The following KCNH1 variants were observed in gnomAD, a reference collection of about 807,000 sequenced individuals.
KCNH1 encodes the protein voltage-gated delayed rectifier potassium channel KCNH1.
Under a neutral mutation model 69.2 loss-of-function variants are expected in KCNH1, and 27 were observed. The ratio of observed to expected loss-of-function variants is 0.39; its 90% CI spans 0.29 to 0.54. KCNH1 has a LOEUF of 0.54. KCNH1 is among the 20% of genes least tolerant of loss of function. The pLI, the probability that KCNH1 is intolerant of heterozygous loss-of-function variation, is 0.68. For synonymous variants in KCNH1, 456 were observed against 487.7 expected, an observed-to-expected ratio of 0.93 and a Z score of 0.86; for missense variants, 798 against 1,261.6, an observed-to-expected ratio of 0.63 and a Z score of 5.57.
chr1:210,919,744 G>A lies in KCNH1; in HGVS notation c.1358C>T (p.Ser453Leu), dbSNP rs1687421051. 4 of 1,614,066 alleles carry A rather than the reference G, an allele frequency of 2.5e-6. No homozygotes were observed. The highest frequency in any genetic ancestry group is 2.7e-5 in the African/African-American group (2 of 74,924). ...GAGGCTGGTCATTGTGAAATACAAC[G>A]AGGAGATGTAGACAGAATTCTTGCT... Reference protein sequence around the residue: ...GPSKNSVYISSLYFTMTSLTS... With the variant: ...GPSKNSVYISLLYFTMTSLTS... The change falls in exon 7 of 11, where the codon TCG (serine) becomes TTG (leucine). Residue 453 changes from serine (S) to leucine (L), a missense_variant. By Grantham distance (145) the Ser-to-Leu change is moderately radical. This residue lies in a region of KCNH1 where 197 missense variants were observed against 407.7 expected (regional missense o/e 0.48). Transcript: ENST00000271751. The surrounding 1 kb of genome is among the most constrained non-coding windows in gnomAD (Gnocchi z 4.2).
chr1:210,853,358 A>G (rs1304672206), intron 7 of KCNH1, among the ~76,000 whole-genome samples: 2 of 152,222 alleles, frequency 1.3e-5, no homozygotes, highest in East Asian at 3.9e-4. Context: ...CAAGTTTGAG[A>G]TGCAGCAAAG....
intron 6 of KCNH1, among the ~76,000 whole-genome samples, chr1:210,986,110 G>A (rs1306516835): frequency 6.6e-6 from 1 of 152,100 alleles, no homozygotes; most frequent in Non-Finnish European, 1.5e-5. Context: ...TGCAACCCCT[G>A]CCTTTTTTTG....
intron 8 of KCNH1, among the ~76,000 whole-genome samples, chr1:210,800,572 T>C (rs1684407479): frequency 6.6e-6 from 1 of 152,052 alleles, no homozygotes; most frequent in South Asian, 2.1e-4. Context: ...AGAGGAGAAA[T>C]TGCAGACTGT....
intron 5 of KCNH1, among the ~76,000 whole-genome samples, chr1:211,023,096 G>T (rs1395905294): frequency 6.6e-6 from 1 of 150,860 alleles, no homozygotes; most frequent in Non-Finnish European, 1.5e-5. Flanking sequence ...GGGCGACAGA[G>T]CTAGACTCTG....
intron 7 of KCNH1, among the ~76,000 whole-genome samples, chr1:210,892,797 A>C (rs1686776228): frequency 6.6e-6 from 1 of 152,204 alleles, no homozygotes; most frequent in Non-Finnish European, 1.5e-5. Flanking sequence ...TCTTATTGCC[A>C]CTGCCATGTC....
In KCNH1 at chr1:210,771,502, C is replaced by T. The variant is rs368460002; in HGVS notation, c.2112+3846G>A. ...CAGAGAACCTGCGGATAACACCTAC[C>T]CCACAGAACATTGCGCAGGGCAATA... On this transcript the variant is annotated intron_variant, in intron 10 of 10. Transcript: ENST00000271751. 5.9e-5 allele frequency among the ~76,000 whole-genome samples: 9 copies of T among 152,274 alleles called. No homozygotes were observed. In the East Asian group the frequency reaches 1.7e-3, roughly 29 times the overall value.
rs116838776 is a variant in KCNH1 at position 210,748,875 on chromosome 1, C to T, written c.2112+26473G>A. Among the ~76,000 whole-genome samples the T allele has an allele frequency of 3.9e-5, 6 of 152,306 alleles. No homozygotes were observed. The South Asian group carries it at 6.2e-4, about 16-fold the overall frequency. On this transcript the variant is annotated intron_variant, in intron 10 of 10. Transcript: ENST00000271751. ...CCCCAGATTTATTCAGAACCTCAGG[C>T]CTGAAACCTCCACTTGGCCCTTCAC...
intron 6 of KCNH1, among the ~76,000 whole-genome samples, chr1:210,939,400 G>C (rs929753605): frequency 3.9e-5 from 6 of 152,160 alleles, no homozygotes; most frequent in Non-Finnish European, 8.8e-5. Context: ...TCTTCACTGA[G>C]ATGTTAGCAT....
At chr1:210,759,404 T>C (rs1683468240) in intron 10 of KCNH1, among the ~76,000 whole-genome samples, 1 of 151,924 alleles carries the variant, frequency 6.6e-6, no homozygotes, top group Admixed American at 6.6e-5. Flanking sequence ...CAAGTTGAAT[T>C]CCAATACAAA....
intron 6 of KCNH1, among the ~76,000 whole-genome samples, chr1:210,978,041 A>ATTT (rs374205340): frequency 1.5e-5 from 2 of 137,690 alleles, no homozygotes; most frequent in Non-Finnish European, 1.6e-5. Context: ...CTCTCCTTTA[A>ATTT]TTTTTTTTTT....
At chr1:211,117,718 TC>T (rs1478198923) in intron 1 of KCNH1, among the ~76,000 whole-genome samples, 12 of 152,328 alleles carry the variant, frequency 7.9e-5, no homozygotes, top group Non-Finnish European at 5.9e-5. Flanking sequence ...TGAATTCTAG[TC>T]ACAGTGTTGT....
intron 7 of KCNH1, among the ~76,000 whole-genome samples, chr1:210,805,261 T>C (rs1684526472): frequency 6.6e-6 from 1 of 152,222 alleles, no homozygotes; most frequent in African/African-American, 2.4e-5. Context: ...TAAATATTTG[T>C]CAAATTTCAC....
At chr1:211,001,835 T>TA (rs1243503739) in intron 6 of KCNH1, among the ~76,000 whole-genome samples, 1 of 151,838 alleles carries the variant, frequency 6.6e-6, no homozygotes, top group Non-Finnish European at 1.5e-5. Flanking sequence ...TATGCAGCCA[T>TA]AAAAAGGATG....
intron 9 of KCNH1, among the ~76,000 whole-genome samples, chr1:210,785,692 C>G (rs1057045130): frequency 6.6e-6 from 1 of 152,146 alleles, no homozygotes; most frequent in Non-Finnish European, 1.5e-5. Flanking sequence ...TGATATGTCT[C>G]TCCATGGTAA....
chr1:210,764,301 T>C (rs938516108), intron 10 of KCNH1, among the ~76,000 whole-genome samples: 5 of 152,052 alleles, frequency 3.3e-5, no homozygotes, highest in Admixed American at 6.6e-5. Flanking sequence ...TCCTAGATAT[T>C]GACCTAGGCA....
intron 5 of KCNH1, among the ~76,000 whole-genome samples, chr1:211,050,276 A>G (rs1308162318): frequency 6.7e-6 from 1 of 148,336 alleles, no homozygotes; most frequent in African/African-American, 2.5e-5. Flanking sequence ...AAAAAAAAAA[A>G]AAAAAAAAAA....
intron 5 of KCNH1, among the ~76,000 whole-genome samples, chr1:211,029,957 T>C (rs1689752303): frequency 6.6e-6 from 1 of 152,134 alleles, no homozygotes; most frequent in African/African-American, 2.4e-5. Flanking sequence ...GATGTAAATA[T>C]AACAAAACGT....
At chr1:210,882,444 G>A (rs1480358610) in intron 7 of KCNH1, among the ~76,000 whole-genome samples, 3 of 152,108 alleles carry the variant, frequency 2.0e-5, no homozygotes, top group East Asian at 1.9e-4. Context: ...TTATCCCACC[G>A]CCATTGTATA....
intron 4 of KCNH1, among the ~76,000 whole-genome samples, 157 bp downstream of exon 4, chr1:211,090,405 A>G (rs561801035): frequency 1.3e-5 from 2 of 152,270 alleles, no homozygotes; most frequent in South Asian, 4.1e-4. Context: ...ACCCCGATAC[A>G]CTCCAGAATA....
Sources: gnomAD v4.1 joint callset for allele counts (sites outside exome capture counted in the v4.1 genomes callset) on GRCh38, gnomAD v4.1.1 for gene constraint, gnomAD v4.1.1 regional missense constraint, Gnocchi (gnomAD v3.1) non-coding constraint, MANE v1.5 for transcripts, NCBI Gene and HGNC (gene_info 2026-07-23, HGNC 2026-07-21) for gene names.